The following SH3D19 variants were observed in gnomAD, a reference collection of about 807,000 sequenced individuals.
SH3D19 encodes SH3 domain-containing protein 19.
A neutral mutation model predicts 112.1 loss-of-function variants in SH3D19; 58 were observed. The observed-to-expected ratio is 0.52, with a 90% CI of 0.42 to 0.64. The LOEUF (loss-of-function observed/expected upper bound fraction) is 0.64, where lower values mean the gene tolerates loss of function less well. Among genes scored for constraint, SH3D19 ranks in the 30% least tolerant of loss-of-function variants. The pLI, the probability that SH3D19 is intolerant of heterozygous loss-of-function variation, is 0.00. For missense variants in SH3D19, 1,090 were observed against 1,263.4 expected, an observed-to-expected ratio of 0.86 and a Z score of 2.08; for synonymous variants, 391 against 448.5, an observed-to-expected ratio of 0.87 and a Z score of 1.62.
chr4:151,178,545 A>G (rs1469609628), intron 4 of SH3D19, among the ~76,000 whole-genome samples: 1 of 152,218 alleles, frequency 6.6e-6, no homozygotes, highest in Non-Finnish European at 1.5e-5. Context: ...TCATATGTAT[A>G]TTAATTCTTA....
intron 1 of SH3D19, among the ~76,000 whole-genome samples, chr4:151,241,897 A>T (rs1561394570): frequency 1.3e-5 from 2 of 152,090 alleles, no homozygotes; most frequent in Non-Finnish European, 2.9e-5. Context: ...TAAAAATTTT[A>T]AAGTTCATAT....
intron 1 of SH3D19, among the ~76,000 whole-genome samples, chr4:151,235,138 G>C (rs1007058602): frequency 6.6e-6 from 1 of 152,058 alleles, no homozygotes; most frequent in East Asian, 1.9e-4. Flanking sequence ...TTGTCACCCA[G>C]GTAATGAGCA....
chr4:151,144,345 G>A, intron 11 of SH3D19: 1 of 1,511,690 alleles, frequency 6.6e-7, no homozygotes, highest in Non-Finnish European at 9.2e-7. Context: ...CTCTTAAGTT[G>A]CTGATCATTT....
At chr4:151,133,336 C>T in intron 15 of SH3D19, 100 bp from the exon 16 acceptor site, 1 of 991,040 alleles carries the variant, frequency 1.0e-6, no homozygotes, top group Non-Finnish European at 1.5e-6. Context: ...TCTGGGTTTA[C>T]CATGGAATAA....
intron 1 of SH3D19, among the ~76,000 whole-genome samples, chr4:151,316,951 T>A (rs1365852870): frequency 6.6e-6 from 1 of 152,234 alleles, no homozygotes; most frequent in Non-Finnish European, 1.5e-5. Flanking sequence ...ACTTAATTGA[T>A]AGTAGAATTT....
intron 2 of SH3D19, among the ~76,000 whole-genome samples, chr4:151,189,104 T>C (rs1393575394): frequency 1.3e-5 from 2 of 152,018 alleles, no homozygotes; most frequent in Non-Finnish European, 2.9e-5. Flanking sequence ...TTTCTGTTTT[T>C]GTTTTTGTTT....
chr4:151,167,376 T>C (rs1183065510), intron 7 of SH3D19, among the ~76,000 whole-genome samples: 2 of 151,910 alleles, frequency 1.3e-5, no homozygotes, highest in Non-Finnish European at 2.9e-5. Context: ...AAGAATTATA[T>C]AAAATAGAAA....
intron 1 of SH3D19, chr4:151,291,375 A>G: frequency 6.2e-7 from 1 of 1,614,014 alleles, no homozygotes; most frequent in Non-Finnish European, 8.5e-7. Context: ...TACACAGAGT[A>G]GGCACTGTAG....
chr4:151,133,919 C>T (rs1445240081), intron 15 of SH3D19, among the ~76,000 whole-genome samples: 2 of 152,082 alleles, frequency 1.3e-5, no homozygotes, highest in African/African-American at 4.8e-5. Flanking sequence ...AAAATTGTGT[C>T]TCTAGAAGGT....
At chr4:151,226,561 A>G in intron 1 of SH3D19, 2 of 684,852 alleles carry the variant, frequency 2.9e-6, no homozygotes, top group South Asian at 6.5e-5. Context: ...TTCACCCTTA[A>G]CTATCTACCA....
At chr4:151,237,091 A>T (rs1046691703) in intron 1 of SH3D19, among the ~76,000 whole-genome samples, 2 of 152,094 alleles carry the variant, frequency 1.3e-5, no homozygotes, top group African/African-American at 4.8e-5. Flanking sequence ...TGTTGCCTTT[A>T]TGAGCTGTAA....
rs560642139 is a variant in SH3D19, at chr4:151,274,782, TAACC to T, written c.113-48700_113-48697del. 4.3e-4 allele frequency among the ~76,000 whole-genome samples: 66 copies of T among 152,306 alleles called. No individual in the cohort carries two copies. The South Asian group carries it at 0.013, about 31-fold the overall frequency. On this transcript the variant is annotated intron_variant, in intron 1 of 19. Coordinates refer to ENST00000604030, the MANE Select transcript of SH3D19 (RefSeq NM_001378122.1). ...CAAAGTACCACAGACTAGACGAACT[TAACC>T]AACAGAAATTTATTTCCTCACAGTT...
intron 2 of SH3D19, among the ~76,000 whole-genome samples, chr4:151,197,630 T>TA (rs1278493504): frequency 6.6e-6 from 1 of 152,162 alleles, no homozygotes; most frequent in African/African-American, 2.4e-5. Context: ...CTGTGAAAAA[T>TA]AAAACCCTAC....
At chr4:151,166,857 C>T (rs1003119502) in intron 7 of SH3D19, among the ~76,000 whole-genome samples, 1 of 152,182 alleles carries the variant, frequency 6.6e-6, no homozygotes, top group Non-Finnish European at 1.5e-5. Context: ...GCCTTCTCTT[C>T]CACTCAGTTC....
At chr4:151,177,635 C>T (rs1760154784) in intron 4 of SH3D19, among the ~76,000 whole-genome samples, 1 of 152,204 alleles carries the variant, frequency 6.6e-6, no homozygotes, top group Non-Finnish European at 1.5e-5. Context: ...AGGCGTGAGC[C>T]ACTGCACCCA....
At chr4:151,210,247 G>A (rs890822953) in intron 2 of SH3D19, among the ~76,000 whole-genome samples, 7 of 152,014 alleles carry the variant, frequency 4.6e-5, no homozygotes, top group African/African-American at 1.7e-4. Context: ...CTGATTACAG[G>A]ATTATTTACA....
At chr4:151,159,863 T>C (rs1312268933) in intron 8 of SH3D19, among the ~76,000 whole-genome samples, 1 of 152,184 alleles carries the variant, frequency 6.6e-6, no homozygotes, top group African/African-American at 2.4e-5. Context: ...TAGAAAGTTC[T>C]ATCGCACAGT....
At chr4:151,202,151 C>G (rs2407416) in intron 2 of SH3D19, among the ~76,000 whole-genome samples, 1 of 151,868 alleles carries the variant, frequency 6.6e-6, no homozygotes, top group Non-Finnish European at 1.5e-5. Flanking sequence ...CTGGTTAACA[C>G]GGTGAAACCC....
At chr4:151,157,458 CAG>C (rs1756340771) in intron 9 of SH3D19, among the ~76,000 whole-genome samples, 1 of 150,182 alleles carries the variant, frequency 6.7e-6, no homozygotes, top group Admixed American at 6.7e-5. Context: ...GGCAAGAATG[CAG>C]AGAAGGGTGA....
Sources: allele counts gnomAD v4.1 joint callset (sites outside exome capture counted in the v4.1 genomes callset), GRCh38; gene constraint gnomAD v4.1.1; transcripts MANE v1.5; gene names NCBI Gene and HGNC (gene_info 2026-07-23, HGNC 2026-07-21).